Variants in TENM3 observed in about 807,000 individuals in gnomAD.
TENM3 encodes the protein teneurin transmembrane protein 3.
Under a neutral mutation model 255.1 loss-of-function variants are expected in TENM3, and 63 were observed. The ratio of observed to expected loss-of-function variants is 0.25; its 90% CI spans 0.20 to 0.30. The LOEUF (loss-of-function observed/expected upper bound fraction) is 0.30, where lower values mean the gene tolerates loss of function less well. TENM3 is among the 10% of genes least tolerant of loss of function. TENM3 has a pLI of 1.00. For missense variants in TENM3, 2,929 were observed against 3,461.1 expected, an observed-to-expected ratio of 0.85 and a Z score of 3.86; for synonymous variants, 1,306 against 1,322.3, an observed-to-expected ratio of 0.99 and a Z score of 0.27.
intron 3 of TENM3, among the ~76,000 whole-genome samples, chr4:182,347,707 AAACTT>A (rs1764918644): frequency 6.6e-6 from 1 of 152,238 alleles, no homozygotes; most frequent in Admixed American, 6.5e-5. Context: ...ATTTTAAAGA[AAACTT>A]AATTTTTAGT....
At chr4:182,322,976 A>G (rs1763151096) in intron 1 of TENM3, among the ~76,000 whole-genome samples, 2 of 152,192 alleles carry the variant, frequency 1.3e-5, no homozygotes, top group Admixed American at 1.3e-4. Context: ...CGAAGGGCTG[A>G]AGATAAAGCC....
In TENM3 at chr4:182,800,342, C is replaced by G. The variant is rs1268412409; in HGVS notation, c.8091C>G (p.Gly2697=). 4.4e-6 allele frequency: 7 copies of G among 1,573,640 alleles called. No homozygotes were observed. The highest frequency in any genetic ancestry group is 5.1e-6 in the Non-Finnish European group (6 of 1,168,722). ...AGTTCCTGCGGCAGAGCGAGATCGG[C>G]AGGAGGTAACGCCCGGGCCGCGCCC... ...NIQFLRQSEI[G]RR The change falls in exon 28 of 28, where the codon GGC becomes GGG. Residue 2697 remains glycine (G), a synonymous_variant. Transcript: ENST00000511685.
intron 27 of TENM3, among the ~76,000 whole-genome samples, chr4:182,797,567 C>G (rs1766586354): frequency 6.6e-6 from 1 of 152,092 alleles, no homozygotes; most frequent in Non-Finnish European, 1.5e-5. Context: ...AATAGCAGAT[C>G]AAGAGGCCTG....
At chr4:182,188,072 G>A (rs1358710814) in intron 1 of TENM3, among the ~76,000 whole-genome samples, 1 of 152,002 alleles carries the variant, frequency 6.6e-6, no homozygotes, top group Non-Finnish European at 1.5e-5. Flanking sequence ...CAATTTTGAA[G>A]GTCTCAATAA....
In TENM3 at chr4:182,572,653, A is replaced by G. The variant is rs148531998; in HGVS notation, c.512-28271A>G. Among the ~76,000 whole-genome samples, 345 of 152,278 alleles carry G rather than the reference A, an allele frequency of 2.3e-3. 1 individual carries two copies. The highest frequency in any genetic ancestry group is 7.5e-3 in the African/African-American group (311 of 41,550). ...GCAAACTGATATATCAGTCACTTCTATTTAGAGCTAAGTAGAAAAAAACAA... is the reference window on the plus strand; with the variant it reads ...GCAAACTGATATATCAGTCACTTCTGTTTAGAGCTAAGTAGAAAAAAACAA... On this transcript the variant is annotated intron_variant, in intron 3 of 27. Transcript: ENST00000511685.
chr4:182,459,925 T>C (rs1774204189), intron 3 of TENM3, among the ~76,000 whole-genome samples: 1 of 152,194 alleles, frequency 6.6e-6, no homozygotes. Context: ...AAAAAGTTGA[T>C]AGTATCTTTT....
intron 1 of TENM3, among the ~76,000 whole-genome samples, chr4:182,309,605 T>C (rs539828148): frequency 1.3e-5 from 2 of 152,358 alleles, no homozygotes; most frequent in Non-Finnish European, 2.9e-5. Context: ...ATTTTGAAAT[T>C]ATTGGTGTGG....
In TENM3 at chr4:182,789,069, A is replaced by G; in HGVS notation, c.5305-24A>G. The G allele has an allele frequency of 6.4e-7, 1 of 1,573,426 alleles. No homozygotes were observed. Among genetic ancestry groups the G allele is most frequent in the South Asian group, 1.2e-5 (1 of 86,242 alleles). ...GTGTTGGAATAACATGATTTATTTTATCATCTTGTTGGTGTTGTAACAGGT... is the reference window on the plus strand; with the variant it reads ...GTGTTGGAATAACATGATTTATTTTGTCATCTTGTTGGTGTTGTAACAGGT... On this transcript the variant is annotated intron_variant, in intron 24 of 27. Transcript: ENST00000511685. This position sits in a 1 kb window ranked among gnomAD's most constrained non-coding sequence, Gnocchi z 4.4.
chr4:181,867,561 TAGAC>T, the TENM3 span, among the ~76,000 whole-genome samples: 1 of 152,200 alleles, frequency 6.6e-6, no homozygotes, highest in African/African-American at 2.4e-5. Context: ...AGTTTTACAA[TAGAC>T]AGCTACAGAT....
upstream of TENM3, among the ~76,000 whole-genome samples, chr4:182,242,913 A>G (rs1757370247): frequency 6.6e-6 from 1 of 152,220 alleles, no homozygotes; most frequent in African/African-American, 2.4e-5. Flanking sequence ...AGAGTTGATA[A>G]TGTATTAGAA....
At chr4:182,059,181 A>T in the TENM3 span, among the ~76,000 whole-genome samples, 1 of 152,236 alleles carries the variant, frequency 6.6e-6, no homozygotes, top group African/African-American at 2.4e-5. Flanking sequence ...AATACCTGCA[A>T]CCTTCTTGCT....
intron 3 of TENM3, among the ~76,000 whole-genome samples, chr4:182,508,755 A>C (rs968234828): frequency 6.6e-6 from 1 of 152,232 alleles, no homozygotes; most frequent in Non-Finnish European, 1.5e-5. Flanking sequence ...CCTTTGAATC[A>C]CAGTGACAAC....
the TENM3 span, among the ~76,000 whole-genome samples, chr4:181,488,021 G>T: frequency 6.6e-6 from 1 of 152,154 alleles, no homozygotes; most frequent in African/African-American, 2.4e-5. Context: ...TATTGGGCTG[G>T]GTCTCCAAGT....
At chr4:182,045,630 A>T in the TENM3 span, among the ~76,000 whole-genome samples, 3 of 152,196 alleles carry the variant, frequency 2.0e-5, no homozygotes, top group African/African-American at 4.8e-5. Flanking sequence ...AAAAAATGGC[A>T]GAAATAACTA....
the TENM3 span, among the ~76,000 whole-genome samples, chr4:181,548,783 C>A: frequency 6.6e-6 from 1 of 152,068 alleles, no homozygotes; most frequent in African/African-American, 2.4e-5. Flanking sequence ...GCCATTGGAG[C>A]AAGTATGATT....
At chr4:182,318,452 T>C (rs943626821) in intron 1 of TENM3, among the ~76,000 whole-genome samples, 2 of 152,192 alleles carry the variant, frequency 1.3e-5, no homozygotes, top group Non-Finnish European at 2.9e-5. Context: ...CATTACATCA[T>C]TACATTACGA....
At chr4:182,188,106 C>A (rs1753285377) in intron 1 of TENM3, among the ~76,000 whole-genome samples, 1 of 152,056 alleles carries the variant, frequency 6.6e-6, no homozygotes, top group Non-Finnish European at 1.5e-5. Flanking sequence ...AGATAAGATA[C>A]AACCAAATGC....
chr4:182,503,191 G>A (rs1192126302), intron 3 of TENM3, among the ~76,000 whole-genome samples: 1 of 152,042 alleles, frequency 6.6e-6, no homozygotes. Context: ...TTTGGGTGAG[G>A]ACTGGGGAGA....
chr4:182,800,021 G>A lies in TENM3; in HGVS notation c.7770G>A (p.Thr2590=), dbSNP rs374291348. Residue 2590 remains threonine, a synonymous_variant, in exon 28 of 28, where the codon ACG becomes ACA. Transcript: ENST00000511685. ...CCACCACGGTGGTGAACGGCAGGAC[G>A]CGCAGGTTCGCGGACGTGGAGATGC... ...SQSTTVVNGR[T]RRFADVEMQF... 7 of 1,595,008 alleles carry A rather than the reference G, an allele frequency of 4.4e-6. No individual in the cohort carries two copies. The highest frequency in any genetic ancestry group is 6.0e-6 in the Non-Finnish European group (7 of 1,171,900).
Sources: allele counts gnomAD v4.1 joint callset (sites outside exome capture counted in the v4.1 genomes callset), GRCh38; gene constraint gnomAD v4.1.1; non-coding constraint Gnocchi (gnomAD v3.1); transcripts MANE v1.5; gene names NCBI Gene and HGNC (gene_info 2026-07-23, HGNC 2026-07-21).